The following KIAA1217 variants were observed in gnomAD, a reference collection of about 807,000 sequenced individuals.
The protein encoded by KIAA1217 is KIAA1217.
In KIAA1217, 88 loss-of-function variants were observed where a neutral mutation model predicts 163.9. The ratio of observed to expected loss-of-function variants is 0.54; its 90% confidence interval spans 0.45 to 0.64. KIAA1217 has a LOEUF of 0.64. Among genes scored for constraint, KIAA1217 ranks in the 30% least tolerant of loss-of-function variants. The probability of loss-of-function intolerance (pLI) is 0.00; values close to 1 mark genes in which losing one functional copy is unlikely to be tolerated. For synonymous variants in KIAA1217, 903 were observed against 923.1 expected (o/e 0.98, Z 0.39); for missense variants, 2,372 against 2,475.0 (o/e 0.96, Z 0.88).
At chr10:24,074,460 C>A (rs1213101326) in intron 2 of KIAA1217, among the ~76,000 whole-genome samples, 2 of 152,086 alleles carry the variant, frequency 1.3e-5, no homozygotes, top group Non-Finnish European at 2.9e-5. Flanking sequence ...ACCTCTATTA[C>A]CCCCTTCCTC....
intron 6 of KIAA1217, among the ~76,000 whole-genome samples, chr10:24,493,320 A>G (rs1247526297): frequency 6.6e-6 from 1 of 152,246 alleles, no homozygotes; most frequent in Admixed American, 6.5e-5. Context: ...AGGCTCATGC[A>G]AGGACACTCA....
intron 2 of KIAA1217, among the ~76,000 whole-genome samples, chr10:24,196,576 G>A (rs1288647685): frequency 6.6e-6 from 1 of 152,210 alleles, no homozygotes; most frequent in Admixed American, 6.5e-5. Flanking sequence ...ACACCTTGAA[G>A]AGGGCAAGGC....
At chr10:23,950,257 C>T (rs556672670) in intron 1 of KIAA1217, among the ~76,000 whole-genome samples, 1 of 152,168 alleles carries the variant, frequency 6.6e-6, no homozygotes, top group East Asian at 1.9e-4. Flanking sequence ...CTTTGGTAAT[C>T]GTTACATTGA....
At chr10:24,358,152 T>C (rs11014052) in intron 2 of KIAA1217, among the ~76,000 whole-genome samples, 58,273 of 151,882 alleles carry the variant, frequency 0.38, 12,250 homozygotes, top group Middle Eastern at 0.48. Flanking sequence ...TTTGTGATCA[T>C]TACATTTCAG....
At chr10:24,499,207 G>A (rs2067199235) in intron 8 of KIAA1217, among the ~76,000 whole-genome samples, 1 of 152,318 alleles carries the variant, frequency 6.6e-6, no homozygotes, top group Middle Eastern at 3.4e-3. Flanking sequence ...AATGGATTGT[G>A]GTCAGAATCA....
chr10:24,026,244 T>C (rs1400025055), intron 2 of KIAA1217, among the ~76,000 whole-genome samples: 3 of 152,034 alleles, frequency 2.0e-5, no homozygotes, highest in South Asian at 2.1e-4. Context: ...TCTTATAATG[T>C]CATTTTCTGG....
chr10:23,871,062 A>T (rs12244179), intron 1 of KIAA1217, among the ~76,000 whole-genome samples: 2,002 of 146,132 alleles, frequency 0.014, 62 homozygotes, highest in African/African-American at 0.048. Context: ...CCGTCCTTTC[A>T]CATATTGTTT....
Position 24,133,070 on chromosome 10 carries a change from GAA to G in KIAA1217, c.-170-86544_-170-86543del, listed in dbSNP as rs554008655. 6.9e-4 allele frequency among the ~76,000 whole-genome samples: 95 copies of G among 138,310 alleles called. 3 individuals carry two copies. In the East Asian group the frequency reaches 0.012, roughly 18 times the overall value. The allele number at this position is 138,310 out of a possible 152,430, so 90.7% of individuals were successfully genotyped here. A position where few individuals can be genotyped will look rare whatever the true frequency, so the allele number is the denominator to read the frequency against. On this transcript the variant is annotated intron_variant, in intron 2 of 18. Coordinates refer to the KIAA1217 transcript ENST00000376462. Reference sequence around the variant, plus strand: ...GATGCATCTAATATGGCCACTGAGAGAAAAAAAAAAAAATGGAACCTCAGGAG... The same window carrying G: ...GATGCATCTAATATGGCCACTGAGAGAAAAAAAAAAATGGAACCTCAGGAG...
intron 2 of KIAA1217, among the ~76,000 whole-genome samples, chr10:24,147,555 A>C (rs1246641766): frequency 1.3e-5 from 2 of 152,064 alleles, no homozygotes; most frequent in Admixed American, 6.5e-5. Flanking sequence ...TGAAAAATGA[A>C]CTTTTGGCCA....
intron 1 of KIAA1217, among the ~76,000 whole-genome samples, chr10:23,859,045 G>A (rs866906919): frequency 9.2e-5 from 14 of 152,176 alleles, no homozygotes; most frequent in African/African-American, 3.4e-4. Flanking sequence ...CCTGACTACC[G>A]TCTTGGAAAG....
intron 2 of KIAA1217, among the ~76,000 whole-genome samples, chr10:24,069,521 G>A (rs2061102532): frequency 6.6e-6 from 1 of 152,150 alleles, no homozygotes; most frequent in African/African-American, 2.4e-5. Context: ...TGGATGTGTG[G>A]TTCAAATCTG....
chr10:24,056,362 G>A (rs1303468945), intron 2 of KIAA1217, among the ~76,000 whole-genome samples: 2 of 152,020 alleles, frequency 1.3e-5, no homozygotes, highest in Non-Finnish European at 2.9e-5. Context: ...AGCCAGTGTT[G>A]ACACCATCAG....
At chr10:24,319,688 C>T (rs961681018) in intron 2 of KIAA1217, among the ~76,000 whole-genome samples, 10 of 152,298 alleles carry the variant, frequency 6.6e-5, no homozygotes, top group East Asian at 5.8e-4. Context: ...CCTTGAAGAC[C>T]ACCCCAGGGG....
intron 2 of KIAA1217, among the ~76,000 whole-genome samples, chr10:24,192,200 A>G (rs1319876767): frequency 2.0e-5 from 3 of 148,742 alleles, no homozygotes; most frequent in South Asian, 4.1e-4. Flanking sequence ...GTATGATTAG[A>G]AGATAAAAGG....
intron 2 of KIAA1217, among the ~76,000 whole-genome samples, chr10:24,301,458 A>T (rs1361012293): frequency 6.6e-6 from 1 of 152,182 alleles, no homozygotes; most frequent in East Asian, 1.9e-4. Flanking sequence ...CTGAAATTTA[A>T]TTGCAGCCTT....
chr10:24,219,766 G>A lies in KIAA1217; in HGVS notation c.211G>A (p.Gly71Arg), dbSNP rs1366555437. ...TATCCCAAGGAGACACACCCTAGGG[G>A]GGCCCCGAAGTTCCAAGGAAATACT... Reference protein sequence around the residue: ...RNIPRRHTLGGPRSSKEILGM... With the variant: ...RNIPRRHTLGRPRSSKEILGM... Residue 71 changes from glycine to arginine, a missense_variant, in exon 2 of 21, where the codon GGG (glycine) becomes AGG (arginine). Physicochemically the swap from Gly to Arg is moderately radical, Grantham distance 125. Coordinates refer to ENST00000376454, the MANE Select transcript of KIAA1217 (RefSeq NM_019590.5). 5 of 1,613,820 alleles carry A rather than the reference G, an allele frequency of 3.1e-6. No homozygotes were observed. Among genetic ancestry groups the A allele is most frequent in the Non-Finnish European group, 4.2e-6 (5 of 1,179,924 alleles).
chr10:23,922,420 AGAAGGGGGTTATGG>A (rs1842883584), intron 1 of KIAA1217, among the ~76,000 whole-genome samples: 1 of 152,166 alleles, frequency 6.6e-6, no homozygotes, highest in African/African-American at 2.4e-5. Flanking sequence ...ATCTAACCTG[AGAAGGGGGTTATGG>A]GAATTCTCAT....
intron 2 of KIAA1217, among the ~76,000 whole-genome samples, chr10:24,109,190 G>A (rs2062746685): frequency 6.6e-6 from 1 of 152,140 alleles, no homozygotes. Context: ...TGATCAGAGA[G>A]ATGGATCAAC....
chr10:24,310,596 C>T (rs2133014137), intron 2 of KIAA1217, among the ~76,000 whole-genome samples: 1 of 152,338 alleles, frequency 6.6e-6, no homozygotes, highest in East Asian at 1.9e-4. Context: ...CTAGCCTCTA[C>T]ATTTTTAAGC....
Sources: allele counts gnomAD v4.1 joint callset (sites outside exome capture counted in the v4.1 genomes callset), GRCh38; gene constraint gnomAD v4.1.1; transcripts MANE v1.5; gene names NCBI Gene and HGNC (gene_info 2026-07-23, HGNC 2026-07-21).